The following GRM7 variants were observed in gnomAD, a reference collection of about 807,000 sequenced individuals.
GRM7 encodes the protein metabotropic glutamate receptor 7.
Under a neutral mutation model 84.5 loss-of-function variants are expected in GRM7, and 35 were observed. The observed-to-expected ratio is 0.41, with a 90% CI of 0.32 to 0.55. The LOEUF (loss-of-function observed/expected upper bound fraction) is 0.55. GRM7 is among the 20% of genes least tolerant of loss of function. The pLI is 0.19. For missense variants in GRM7, 1,003 were observed against 1,194.6 expected (o/e 0.84, Z 2.36); for synonymous variants, 487 against 455.1 (o/e 1.07, Z -0.89).
At chr3:7,713,124 G>GTTTTTTTT (rs5846535) in intron 9 of GRM7, among the ~76,000 whole-genome samples, 3 of 97,132 alleles carry the variant, frequency 3.1e-5, no homozygotes, top group Non-Finnish European at 4.4e-5. Context: ...ATTTTGTTTT[G>GTTTTTTTT]TTTTTTTTTT....
At chr3:7,521,917 G>A (rs1307542436) in intron 7 of GRM7, among the ~76,000 whole-genome samples, 1 of 152,134 alleles carries the variant, frequency 6.6e-6, no homozygotes, top group Non-Finnish European at 1.5e-5. Context: ...GAAGTCCCTT[G>A]AGCCCCACCT....
chr3:6,877,903 A>G (rs1168282537), intron 1 of GRM7, among the ~76,000 whole-genome samples: 2 of 151,982 alleles, frequency 1.3e-5, no homozygotes, highest in Non-Finnish European at 2.9e-5. Flanking sequence ...AGCTCTGTAT[A>G]CACATAAGCA....
chr3:6,996,043 T>C (rs1694816908), intron 1 of GRM7, among the ~76,000 whole-genome samples: 1 of 150,016 alleles, frequency 6.7e-6, no homozygotes, highest in South Asian at 2.1e-4. Flanking sequence ...TCTGTGTTTA[T>C]AATTCTACAA....
In GRM7 at chr3:7,407,456, C is replaced by T. The variant is rs541594504; in HGVS notation, c.1034-7567C>T. On this transcript the variant is annotated intron_variant, in intron 4 of 9. Coordinates refer to ENST00000357716, the MANE Select transcript of GRM7 (RefSeq NM_000844.4). ...GGCTTTCAAGGGTAGAGGGTTGTTA[C>T]TTTACAGTGCCTCGAACTGATATTA... 2.0e-5 allele frequency among the ~76,000 whole-genome samples: 3 copies of T among 152,256 alleles called. No homozygotes were observed. The South Asian group carries it at 6.2e-4, about 32-fold the overall frequency.
chr3:7,361,883 G>A (rs1323301542), intron 4 of GRM7, among the ~76,000 whole-genome samples: 2 of 152,090 alleles, frequency 1.3e-5, no homozygotes, highest in African/African-American at 2.4e-5. Flanking sequence ...TATTACTTAT[G>A]TGCAGTCTTA....
intron 8 of GRM7, among the ~76,000 whole-genome samples, chr3:7,659,780 GT>G (rs1022477101): frequency 5.4e-4 from 83 of 152,296 alleles, no homozygotes; most frequent in African/African-American, 2.0e-3. Context: ...ACGGTAAGAT[GT>G]TTTAAAAAGG....
intron 7 of GRM7, among the ~76,000 whole-genome samples, chr3:7,476,461 C>T (rs1477732113): frequency 2.0e-5 from 3 of 152,034 alleles, no homozygotes; most frequent in Non-Finnish European, 4.4e-5. Context: ...GCAGGAGAAT[C>T]GCTTGAACCC....
At chr3:7,137,592 T>C (rs1482430817) in intron 1 of GRM7, among the ~76,000 whole-genome samples, 1 of 152,046 alleles carries the variant, frequency 6.6e-6, no homozygotes, top group Non-Finnish European at 1.5e-5. Flanking sequence ...TGAGAAGATT[T>C]GAGTTGAGAA....
At chr3:7,580,845 G>C (rs1273769044) in intron 8 of GRM7, among the ~76,000 whole-genome samples, 1 of 151,734 alleles carries the variant, frequency 6.6e-6, no homozygotes, top group Admixed American at 6.6e-5. Flanking sequence ...TGGGCCAAGG[G>C]AATAGTAAAA....
At chr3:7,490,187 T>G (rs1218156889) in intron 7 of GRM7, among the ~76,000 whole-genome samples, 1 of 152,144 alleles carries the variant, frequency 6.6e-6, no homozygotes, top group Non-Finnish European at 1.5e-5. Flanking sequence ...TAATACAAAT[T>G]TATTATTTTT....
chr3:7,217,490 A>G (rs1696654367), intron 2 of GRM7, among the ~76,000 whole-genome samples: 1 of 152,136 alleles, frequency 6.6e-6, no homozygotes, highest in Non-Finnish European at 1.5e-5. Context: ...AGGCTCTTAT[A>G]CCTTCTATTT....
chr3:7,526,918 T>C (rs1700829925), intron 7 of GRM7, among the ~76,000 whole-genome samples: 1 of 152,124 alleles, frequency 6.6e-6, no homozygotes, highest in East Asian at 1.9e-4. Flanking sequence ...CATGTTGTTT[T>C]GGTTACTGTA....
intron 1 of GRM7, among the ~76,000 whole-genome samples, chr3:7,092,133 G>A (rs1232563997): frequency 2.0e-5 from 3 of 151,944 alleles, no homozygotes; most frequent in African/African-American, 4.8e-5. Context: ...CTCAACCTCC[G>A]GAGAAGCTGG....
chr3:7,250,652 T>A (rs941717814), intron 2 of GRM7, among the ~76,000 whole-genome samples: 1 of 152,040 alleles, frequency 6.6e-6, no homozygotes, highest in Non-Finnish European at 1.5e-5. Context: ...GCCTCCCAAG[T>A]AGCTGGGACT....
intron 1 of GRM7, among the ~76,000 whole-genome samples, chr3:6,903,165 A>G (rs1696452795): frequency 6.6e-6 from 1 of 151,494 alleles, no homozygotes; most frequent in Non-Finnish European, 1.5e-5. Flanking sequence ...TTACCCTATC[A>G]ACAATGTATA....
In GRM7 at chr3:7,023,811, A is replaced by C. The variant is rs180756991; in HGVS notation, c.520-122641A>C. Among the ~76,000 whole-genome samples the C allele has an allele frequency of 7.8e-4, 119 of 151,998 alleles. 1 individual carries two copies. The East Asian group carries it at 0.022, about 28-fold the overall frequency. ...AAGTAAGGTCACATTCACAGGTCTAACTTATCTTGGAGTGGGGAGACATCA... is the reference window on the plus strand; with the variant it reads ...AAGTAAGGTCACATTCACAGGTCTACCTTATCTTGGAGTGGGGAGACATCA... On this transcript the variant is annotated intron_variant, in intron 1 of 9. Transcript: ENST00000357716.
At chr3:7,459,325 T>C (rs1268420375) in intron 6 of GRM7, among the ~76,000 whole-genome samples, 2 of 152,010 alleles carry the variant, frequency 1.3e-5, no homozygotes, top group Non-Finnish European at 1.5e-5. Flanking sequence ...ACCAGTTAAG[T>C]ATGAACACTT....
Position 7,740,397 on chromosome 3 carries a change from G to C in GRM7, c.2739G>C (p.Leu913=). 3 of 1,571,888 alleles carry C rather than the reference G, an allele frequency of 1.9e-6. No individual in the cohort carries two copies. Among genetic ancestry groups the C allele is most frequent in the Non-Finnish European group, 2.6e-6 (3 of 1,148,232 alleles). Residue 913 remains leucine (L), a synonymous_variant, in exon 10 of 10, where the codon CTG becomes CTC. Coordinates refer to ENST00000357716, the MANE Select transcript of GRM7 (RefSeq NM_000844.4). ...AGAAGTATGTCAGTTATAATAACCT[G>C]GTTATCTAACCTGTTCCATTCCATG... ...AKKKYVSYNN[L]VI
chr3:7,202,192 A>G (rs543053567), intron 2 of GRM7, among the ~76,000 whole-genome samples: 32 of 152,264 alleles, frequency 2.1e-4, no homozygotes, highest in African/African-American at 7.2e-4. Context: ...TATGTAGAAG[A>G]TAAGTGTTTT....
Sources: allele counts gnomAD v4.1 joint callset (sites outside exome capture counted in the v4.1 genomes callset), GRCh38; gene constraint gnomAD v4.1.1; transcripts MANE v1.5; gene names NCBI Gene and HGNC (gene_info 2026-07-23, HGNC 2026-07-21).